The following CDK15 variants were observed in gnomAD, a reference collection of about 807,000 sequenced individuals.
The protein encoded by CDK15 is cyclin dependent kinase 15.
Under a neutral mutation model 60.3 loss-of-function variants are expected in CDK15, and 62 were observed. The ratio of observed to expected loss-of-function variants is 1.03; its 90% CI spans 0.84 to 1.27. CDK15 has a LOEUF of 1.27. Ranked by LOEUF, CDK15 falls within the 50% of genes most tolerant of loss-of-function variation. CDK15 has a pLI of 0.00. For synonymous variants in CDK15, 194 were observed against 195.7 expected (o/e 0.99, Z 0.07); for missense variants, 541 against 527.8 (o/e 1.03, Z -0.25).
At chr2:201,831,337 C>T (rs1196622278) in intron 6 of CDK15, among the ~76,000 whole-genome samples, 3 of 152,086 alleles carry the variant, frequency 2.0e-5, no homozygotes, top group Non-Finnish European at 4.4e-5. Context: ...TATTTTGTTC[C>T]CCCAAAACTT....
intron 8 of CDK15, among the ~76,000 whole-genome samples, chr2:201,842,192 C>T (rs1446026052): frequency 6.6e-6 from 1 of 152,160 alleles, no homozygotes; most frequent in Non-Finnish European, 1.5e-5. Context: ...TGCTTTTTAT[C>T]TTGATGAATT....
At chr2:201,858,133 TAGG>T (rs1260821686) in intron 10 of CDK15, among the ~76,000 whole-genome samples, 1 of 152,148 alleles carries the variant, frequency 6.6e-6, no homozygotes, top group Non-Finnish European at 1.5e-5. Flanking sequence ...TGGACACCTC[TAGG>T]AGGACAGCAA....
intron 5 of CDK15, 76 bp downstream of exon 5, chr2:201,822,979 T>C (rs918852789): frequency 5.7e-6 from 5 of 880,814 alleles, no homozygotes; most frequent in Non-Finnish European, 7.6e-6. Flanking sequence ...TAATATTTTA[T>C]GGCATGATAA....
chr2:201,888,423 T>A (rs1559153186), intron 12 of CDK15: 4 of 1,529,772 alleles, frequency 2.6e-6, no homozygotes, highest in South Asian at 1.2e-5. Flanking sequence ...TCTCAAAAAA[T>A]TTTTAAACAC....
At chr2:201,833,536 T>G (rs1276706602) in intron 6 of CDK15, among the ~76,000 whole-genome samples, 1 of 152,136 alleles carries the variant, frequency 6.6e-6, no homozygotes, top group East Asian at 1.9e-4. Flanking sequence ...ATAACTAGTG[T>G]TCCAAAGGAA....
chr2:201,869,711 A>G (rs779317297), intron 10 of CDK15, among the ~76,000 whole-genome samples: 4 of 151,878 alleles, frequency 2.6e-5, no homozygotes, highest in Non-Finnish European at 5.9e-5. Flanking sequence ...AGTTAGAAAG[A>G]GTATTAAAAT....
At chr2:201,807,816 C>T (rs766738042) in intron 2 of CDK15, 42 bp from the exon 3 acceptor site, 1 of 1,578,448 alleles carries the variant, frequency 6.3e-7, no homozygotes, top group African/African-American at 1.4e-5. Flanking sequence ...TTCTTTCTCT[C>T]TTCCCTTTCA....
chr2:201,827,657 A>C (rs1195900433), intron 6 of CDK15, among the ~76,000 whole-genome samples: 2 of 152,036 alleles, frequency 1.3e-5, no homozygotes, highest in East Asian at 1.9e-4. Flanking sequence ...CCCAGGCTAG[A>C]GTGCAATGGT....
intron 11 of CDK15, among the ~76,000 whole-genome samples, chr2:201,874,635 C>T (rs1699003756): frequency 6.6e-6 from 1 of 152,104 alleles, no homozygotes; most frequent in Non-Finnish European, 1.5e-5. Context: ...CTTTTCTACA[C>T]AATCCCTTCA....
intron 8 of CDK15, among the ~76,000 whole-genome samples, chr2:201,839,027 G>A (rs1697258133): frequency 6.6e-6 from 1 of 151,806 alleles, no homozygotes; most frequent in African/African-American, 2.4e-5. Context: ...TGCAAGCTCC[G>A]CCTCCCAGGT....
chr2:201,871,288 T>C (rs1415645934), intron 10 of CDK15, among the ~76,000 whole-genome samples: 3 of 152,086 alleles, frequency 2.0e-5, no homozygotes, highest in Non-Finnish European at 4.4e-5. Context: ...CCCTTTCAAG[T>C]AGCTGGGACT....
intron 4 of CDK15, among the ~76,000 whole-genome samples, chr2:201,817,801 C>T (rs902273248): frequency 7.9e-5 from 12 of 152,162 alleles, no homozygotes; most frequent in Non-Finnish European, 1.2e-4. Flanking sequence ...TGCATAGTTA[C>T]GTCTTTATAA....
chr2:201,876,158 G>A (rs1351696107), intron 11 of CDK15, among the ~76,000 whole-genome samples: 2 of 152,130 alleles, frequency 1.3e-5, no homozygotes, highest in African/African-American at 2.4e-5. Flanking sequence ...TTAAAGTAGG[G>A]GTTGTAACCA....
At chr2:201,845,328 T>C (rs918791494) in intron 8 of CDK15, among the ~76,000 whole-genome samples, 18 of 152,206 alleles carry the variant, frequency 1.2e-4, no homozygotes, top group African/African-American at 3.4e-4. Context: ...TTTTACAGGA[T>C]AAGATACAAA....
At chr2:201,879,935 C>T in intron 11 of CDK15, 93 bp from the exon 12 acceptor site, 1 of 1,463,948 alleles carries the variant, frequency 6.8e-7, no homozygotes, top group Non-Finnish European at 9.1e-7. Flanking sequence ...CTAAGTCTAG[C>T]CATCTCCTTT....
rs149189465 is a variant in CDK15 at position 201,807,928 on chromosome 2, C to T, written c.344C>T (p.Ala115Val). Residue 115 changes from alanine (A) to valine (V), a missense_variant, in exon 3 of 14, where the codon GCG (alanine) becomes GTG (valine). Transcript: ENST00000652192. ...GAGAAGCTGGGTGAAGGCTCTTATGCGACAGTTTACAAGGGGATTAGCAGG... is the reference window on the plus strand; with the variant it reads ...GAGAAGCTGGGTGAAGGCTCTTATGTGACAGTTTACAAGGGGATTAGCAGG... ...NLEKLGEGSY[A>V]TVYKGISRIN... is the part of the protein sequence containing the mutation. 7.1e-5 allele frequency: 115 copies of T among 1,613,892 alleles called. No individual in the cohort carries two copies. Among genetic ancestry groups the T allele is most frequent in the Non-Finnish European group, 7.7e-5 (91 of 1,179,970 alleles).
intron 6 of CDK15, among the ~76,000 whole-genome samples, chr2:201,827,060 T>C (rs1408656940): frequency 6.6e-6 from 1 of 152,218 alleles, no homozygotes; most frequent in African/African-American, 2.4e-5. Context: ...CTAGTTCTGT[T>C]GGCCTGAAAT....
intron 8 of CDK15, among the ~76,000 whole-genome samples, chr2:201,846,914 CTATT>C (rs1367822394): frequency 2.0e-5 from 3 of 152,108 alleles, no homozygotes; most frequent in Non-Finnish European, 2.9e-5. Context: ...AAAATAATCT[CTATT>C]TAATTAAATT....
intron 4 of CDK15, among the ~76,000 whole-genome samples, chr2:201,816,819 C>T (rs958624228): frequency 2.6e-5 from 4 of 152,058 alleles, no homozygotes; most frequent in Non-Finnish European, 4.4e-5. Flanking sequence ...CACCAGTGTG[C>T]CATGTCAGTT....
Sources: allele counts gnomAD v4.1 joint callset (sites outside exome capture counted in the v4.1 genomes callset), GRCh38; gene constraint gnomAD v4.1.1; transcripts MANE v1.5; gene names NCBI Gene and HGNC (gene_info 2026-07-23, HGNC 2026-07-21).